The following PLCE1 variants were observed in gnomAD, a reference collection of about 807,000 sequenced individuals.
PLCE1 encodes phospholipase C epsilon 1, also known as 1-phosphatidylinositol 4,5-bisphosphate phosphodiesterase epsilon-1.
Under a neutral mutation model 242.8 loss-of-function variants are expected in PLCE1, and 119 were observed. The ratio of observed to expected loss-of-function variants is 0.49; its 90% CI spans 0.42 to 0.57. The LOEUF (loss-of-function observed/expected upper bound fraction) is 0.57. Among genes scored for constraint, PLCE1 ranks in the 20% least tolerant of loss-of-function variants. PLCE1 has a pLI of 0.00. For missense variants in PLCE1, 2,441 were observed against 2,788.8 expected (o/e 0.88, Z 2.81); for synonymous variants, 945 against 1,017.4 (o/e 0.93, Z 1.35).
Position 94,175,298 on chromosome 10 carries a change from G to A in PLCE1, c.1809+3802G>A, listed in dbSNP as rs2048095624. ...TCTATTTCTTTTCAAAATCTCCTGT[G>A]TGTCTATCTTTTTTCTACTTCTCTT... On this transcript the variant is annotated intron_variant, in intron 4 of 32. Transcript: ENST00000371380. Among the ~76,000 whole-genome samples, 3 of 151,948 alleles carry A rather than the reference G, an allele frequency of 2.0e-5. No individual in the cohort carries two copies. In the South Asian group the frequency reaches 6.2e-4, roughly 31 times the overall value.
intron 14 of PLCE1, among the ~76,000 whole-genome samples, chr10:94,264,474 A>G (rs2051433897): frequency 6.7e-6 from 1 of 148,334 alleles, no homozygotes; most frequent in Admixed American, 6.7e-5. Context: ...GAAATGGGAT[A>G]CCACTGAAAT....
chr10:94,262,670 G>A lies in PLCE1; in HGVS notation c.3991G>A (p.Asp1331Asn), dbSNP rs372685240. 6.8e-6 allele frequency: 11 copies of A among 1,613,924 alleles called. No homozygotes were observed. The highest frequency in any genetic ancestry group is 5.5e-5 in the South Asian group (5 of 91,082). The change falls in exon 14 of 33, where the codon GAT (aspartate) becomes AAT (asparagine). Residue 1331 changes from aspartate to asparagine, a missense_variant. Around this residue, in one of 5 missense-constraint regions of PLCE1, gnomAD observed 1,004 missense variants for 1,322.7 expected, o/e 0.76. Coordinates refer to ENST00000371380, the MANE Select transcript of PLCE1 (RefSeq NM_016341.4). ...TGGGGTGGGCATACTTCAGCTCAACGATTTCCTCGTGAATTGCCAAGGAGA... is the reference window on the plus strand; with the variant it reads ...TGGGGTGGGCATACTTCAGCTCAACAATTTCCTCGTGAATTGCCAAGGAGA... ...IFGVGILQLN[D>N]FLVNCQGEHC... is the part of the protein sequence containing the mutation.
chr10:94,214,212 A>C (rs2136980993), intron 4 of PLCE1, among the ~76,000 whole-genome samples: 1 of 152,312 alleles, frequency 6.6e-6, no homozygotes, highest in Middle Eastern at 3.4e-3. Flanking sequence ...CCTTCCCAGA[A>C]GACTGTCCAA....
chr10:94,101,598 A>T (rs1247863619), intron 2 of PLCE1, among the ~76,000 whole-genome samples: 1 of 152,182 alleles, frequency 6.6e-6, no homozygotes, highest in East Asian at 1.9e-4. Context: ...AACAAGTGAC[A>T]CAGGTGACCT....
intron 11 of PLCE1, among the ~76,000 whole-genome samples, chr10:94,255,912 A>ACTCTCTCT (rs1564834353): frequency 1.5e-4 from 13 of 87,028 alleles, no homozygotes; most frequent in Non-Finnish European, 1.2e-4. Context: ...ACACACACAC[A>ACTCTCTCT]CACTCTCTCT....
chr10:94,117,115 C>T (rs1029063920), intron 2 of PLCE1, among the ~76,000 whole-genome samples: 1 of 152,136 alleles, frequency 6.6e-6, no homozygotes, highest in Non-Finnish European at 1.5e-5. Flanking sequence ...ATATAGAGCT[C>T]CCATCCTCTC....
Position 94,031,024 on chromosome 10 carries a change from C to A in PLCE1, c.-23C>A. Reference sequence around the variant, plus strand: ...CAGGGAGGAAAAATAGAGCAATAGTCAAAACCTGTGTGTTAGTCCAAGATG... The same window carrying A: ...CAGGGAGGAAAAATAGAGCAATAGTAAAAACCTGTGTGTTAGTCCAAGATG... On this transcript the variant is annotated 5_prime_UTR_variant, in exon 2 of 33. Coordinates refer to ENST00000371380, the MANE Select transcript of PLCE1 (RefSeq NM_016341.4). 1.2e-6 allele frequency: 2 copies of A among 1,612,744 alleles called. No homozygotes were observed. The highest frequency in any genetic ancestry group is 1.1e-5 in the South Asian group (1 of 91,030).
intron 2 of PLCE1, among the ~76,000 whole-genome samples, chr10:94,093,549 A>T (rs1436061313): frequency 6.6e-6 from 1 of 152,234 alleles, no homozygotes; most frequent in Non-Finnish European, 1.5e-5. Context: ...AGTGTCCATT[A>T]ATTAAATAAA....
At chr10:94,259,313 T>C (rs1200199693) in intron 13 of PLCE1, among the ~76,000 whole-genome samples, 163 bp downstream of exon 13, 4 of 148,804 alleles carry the variant, frequency 2.7e-5, no homozygotes, top group African/African-American at 1.0e-4. Context: ...AGATGCAGTC[T>C]CACTCTGTAG....
chr10:94,203,363 C>T, intron 4 of PLCE1, among the ~76,000 whole-genome samples: 1 of 152,154 alleles, frequency 6.6e-6, no homozygotes, highest in Admixed American at 6.5e-5. Context: ...TACATATTTC[C>T]ATGCAAGGAA....
chr10:94,132,153 T>G (rs758060660), intron 2 of PLCE1, 21 bp from the exon 3 acceptor site: 1 of 1,611,362 alleles, frequency 6.2e-7, no homozygotes. Flanking sequence ...TAATACTTCC[T>G]GTACTTTGTG....
chr10:94,013,867 G>C (rs1278648230), intron 1 of PLCE1, among the ~76,000 whole-genome samples: 1 of 151,946 alleles, frequency 6.6e-6, no homozygotes, highest in East Asian at 1.9e-4. Context: ...GATGATCCCT[G>C]GGGGGGCTAA....
chr10:94,196,131 A>G (rs374501935), intron 4 of PLCE1, among the ~76,000 whole-genome samples: 52 of 152,280 alleles, frequency 3.4e-4, no homozygotes, highest in African/African-American at 1.2e-3. Context: ...ACCTATTGCT[A>G]TTATAATCTT....
intron 22 of PLCE1, among the ~76,000 whole-genome samples, chr10:94,286,382 G>C (rs536690329): frequency 2.6e-5 from 4 of 152,124 alleles, no homozygotes; most frequent in Non-Finnish European, 5.9e-5. Context: ...TGTAATCCCA[G>C]CTACCAGGGA....
intron 2 of PLCE1, among the ~76,000 whole-genome samples, chr10:94,118,720 C>G (rs544220786): frequency 1.3e-5 from 2 of 152,170 alleles, no homozygotes; most frequent in Non-Finnish European, 2.9e-5. Flanking sequence ...CTTTCTTTCG[C>G]AAATTGCCCA....
chr10:94,249,404 TTCTC>T (rs1484778685), intron 8 of PLCE1, among the ~76,000 whole-genome samples: 1 of 149,120 alleles, frequency 6.7e-6, no homozygotes. Context: ...GAAAATTAAA[TTCTC>T]TCAGATGCCC....
At chr10:94,198,451 A>G (rs1390326608) in intron 4 of PLCE1, among the ~76,000 whole-genome samples, 1 of 152,182 alleles carries the variant, frequency 6.6e-6, no homozygotes, top group East Asian at 1.9e-4. Context: ...AAATTGAACT[A>G]TAATTTACAT....
chr10:94,194,944 G>A (rs1346599836), intron 4 of PLCE1, among the ~76,000 whole-genome samples: 2 of 152,028 alleles, frequency 1.3e-5, no homozygotes, highest in African/African-American at 2.4e-5. Context: ...GAAGTTTGGG[G>A]GAAACAGGGG....
chr10:94,158,948 C>G (rs1219597133), intron 3 of PLCE1, among the ~76,000 whole-genome samples: 4 of 150,384 alleles, frequency 2.7e-5, no homozygotes, highest in African/African-American at 9.8e-5. Context: ...CCTCCGCCTC[C>G]TGGGTTCGAG....
Sources: gnomAD v4.1 joint callset for allele counts (sites outside exome capture counted in the v4.1 genomes callset) on GRCh38, gnomAD v4.1.1 for gene constraint, gnomAD v4.1.1 regional missense constraint, MANE v1.5 for transcripts, NCBI Gene and HGNC (gene_info 2026-07-23, HGNC 2026-07-21) for gene names.